The following BTD variants were observed in gnomAD, a reference collection of about 807,000 sequenced individuals.
BTD encodes the protein biocytinase.
A neutral mutation model predicts 17.7 loss-of-function variants in BTD; 13 were observed. That is an observed-to-expected ratio of 0.74 (90% confidence interval 0.48 to 1.17). The LOEUF (loss-of-function observed/expected upper bound fraction) is 1.17, where lower values mean the gene tolerates loss of function less well. Ranked by LOEUF, BTD falls within the 50% of genes most tolerant of loss-of-function variation. The probability of loss-of-function intolerance (pLI) is 0.00; values close to 1 mark genes in which losing one functional copy is unlikely to be tolerated. For missense variants in BTD, 674 were observed against 650.4 expected, an observed-to-expected ratio of 1.04 and a Z score of -0.39; for synonymous variants, 240 against 245.2, an observed-to-expected ratio of 0.98 and a Z score of 0.20.
chr3:15,672,158 T>C (rs1295439384), intron 3 of BTD, among the ~76,000 whole-genome samples: 1 of 151,910 alleles, frequency 6.6e-6, no homozygotes. Context: ...TTTTTTTTTT[T>C]TTTTTGAGAC....
At chr3:15,602,799 A>G (rs1315136050) in intron 1 of BTD, among the ~76,000 whole-genome samples, 1 of 152,076 alleles carries the variant, frequency 6.6e-6, no homozygotes, top group Non-Finnish European at 1.5e-5. Flanking sequence ...CCCCAAGCAG[A>G]GGAGAGTGAA....
intron 3 of BTD, among the ~76,000 whole-genome samples, chr3:15,709,311 G>T (rs1417401759): frequency 6.6e-6 from 1 of 152,152 alleles, no homozygotes; most frequent in Admixed American, 6.5e-5. Flanking sequence ...CTTGGAGAAA[G>T]GAGAACTGTA....
intron 3 of BTD, among the ~76,000 whole-genome samples, chr3:15,706,198 G>A (rs1235284313): frequency 1.3e-5 from 2 of 151,736 alleles, no homozygotes; most frequent in Non-Finnish European, 1.5e-5. Flanking sequence ...CCATTAACTC[G>A]TCACTTACAT....
chr3:15,701,505 A>T (rs1400177792), intron 3 of BTD, among the ~76,000 whole-genome samples: 1 of 152,068 alleles, frequency 6.6e-6, no homozygotes, highest in Admixed American at 6.6e-5. Flanking sequence ...TTAGCCAGGC[A>T]TGGTGGCACA....
intron 4 of BTD, among the ~76,000 whole-genome samples, chr3:15,719,270 G>C (rs1040700517): frequency 1.3e-5 from 2 of 152,126 alleles, no homozygotes; most frequent in Non-Finnish European, 2.9e-5. Context: ...ATCATTAAAG[G>C]CTTCACTGAA....
chr3:15,667,088 A>G (rs1249341980), intron 3 of BTD: 3 of 152,234 alleles, frequency 2.0e-5, no homozygotes, highest in African/African-American at 7.2e-5. Flanking sequence ...AATATATTTG[A>G]AAATCCCATA....
Position 15,652,842 on chromosome 3 carries a change from A to C in BTD, c.*7354A>C, listed in dbSNP as rs1471761467. Among the ~76,000 whole-genome samples, 3 of 152,176 alleles carry C rather than the reference A, an allele frequency of 2.0e-5. No individual in the cohort carries two copies. The East Asian group carries it at 5.8e-4, about 29-fold the overall frequency. On this transcript the variant is annotated 3_prime_UTR_variant, in exon 4 of 4. Transcript: ENST00000643237. ...ATTAGTGGCTATTATTTGTTGGGTT[A>C]CACAAAGCCAGAAATCATCTACATC...
chr3:15,619,112 T>G (rs1355568426), intron 1 of BTD, among the ~76,000 whole-genome samples: 1 of 152,238 alleles, frequency 6.6e-6, no homozygotes, highest in Admixed American at 6.5e-5. Flanking sequence ...AGGGACATCA[T>G]TACCTTGCTC....
At chr3:15,642,212 A>G in intron 3 of BTD, 155 bp downstream of exon 3, 3 of 1,494,050 alleles carry the variant, frequency 2.0e-6, no homozygotes, top group Non-Finnish European at 2.7e-6. Flanking sequence ...CCACATGTTC[A>G]TTCCATTAAA....
In BTD at chr3:15,635,564, TG is replaced by T; in HGVS notation, c.126del (p.Tyr43MetfsTer7). On this transcript the variant is annotated frameshift_variant, in exon 2 of 4. Coordinates refer to ENST00000643237, the MANE Select transcript of BTD (RefSeq NM_001370658.1). LOFTEE classifies it high-confidence loss of function. The surrounding 1 kb of genome is among the most constrained non-coding windows in gnomAD (Gnocchi z 4.1). The part of the protein sequence containing the change: ...HHEAEYYVAA[V>X]YEHPSILSLN... ...GAGGCTGAATATTATGTGGCTGCCGTGTATGAGCATCCATCCATCCTGAGTC... is the reference window on the plus strand; with the variant it reads ...GAGGCTGAATATTATGTGGCTGCCGTTATGAGCATCCATCCATCCTGAGTC... 1 of 1,614,170 alleles carries T rather than the reference TG, an allele frequency of 6.2e-7. No individual in the cohort carries two copies. The highest frequency in any genetic ancestry group is 8.5e-7 in the Non-Finnish European group (1 of 1,180,028).
chr3:15,604,832 T>A (rs551889146), intron 1 of BTD, among the ~76,000 whole-genome samples: 1 of 152,318 alleles, frequency 6.6e-6, no homozygotes, highest in East Asian at 1.9e-4. Flanking sequence ...AATAAGTTCC[T>A]CATCTCCATC....
chr3:15,645,821 A>C lies in BTD; in HGVS notation c.*333A>C. 1 of 225,946 alleles carries C rather than the reference A, an allele frequency of 4.4e-6. No homozygotes were observed. The highest frequency in any genetic ancestry group is 5.2e-5 in the Admixed American group (1 of 19,286). 14.0% of individuals were successfully genotyped at this position (225,946 alleles called of 1,614,324 possible). On this transcript the variant is annotated 3_prime_UTR_variant, in exon 4 of 4. Coordinates refer to ENST00000643237, the MANE Select transcript of BTD (RefSeq NM_001370658.1). ...TCAGTTTATATTTTACACATCCACA[A>C]AGCAGTGGCTTGGGGTTTTTTTTTT...
At chr3:15,601,385 G>A (rs1397662038), upstream of BTD, 1 of 1,614,098 alleles carries the variant, frequency 6.2e-7, no homozygotes, top group Admixed American at 1.7e-5. Flanking sequence ...CATCGTACTT[G>A]CGTTTTCAGG....
chr3:15,633,209 C>G (rs2065257848), intron 1 of BTD, among the ~76,000 whole-genome samples: 1 of 152,046 alleles, frequency 6.6e-6, no homozygotes, highest in Non-Finnish European at 1.5e-5. Context: ...TCCCTCCTCC[C>G]CCTCCCACCC....
chr3:15,665,347 C>T (rs2065966981), intron 3 of BTD, among the ~76,000 whole-genome samples: 1 of 152,116 alleles, frequency 6.6e-6, no homozygotes, highest in Admixed American at 6.6e-5. Context: ...AGTTAACACA[C>T]CAGAGAGGGG....
At chr3:15,714,543 A>AAC, downstream of BTD, 1 of 1,491,322 alleles carries the variant, frequency 6.7e-7, no homozygotes, top group Non-Finnish European at 9.0e-7. Context: ...AAAAAAAAAA[A>AAC]AAAACCCCAA....
downstream of BTD, among the ~76,000 whole-genome samples, chr3:15,714,863 A>C (rs377156259): frequency 4.6e-5 from 7 of 152,308 alleles, no homozygotes; most frequent in East Asian, 9.6e-4. Context: ...ATATACAAAA[A>C]TTCCATGCTT....
At chr3:15,673,455 C>G (rs191795660) in intron 3 of BTD, among the ~76,000 whole-genome samples, 4 of 152,170 alleles carry the variant, frequency 2.6e-5, no homozygotes, top group African/African-American at 9.7e-5. Context: ...ATGCAACTGA[C>G]AAAGATTTCA....
Position 15,635,510 on chromosome 3 carries a change from C to A in BTD, c.71C>A (p.Thr24Asn). 1.2e-6 allele frequency: 2 copies of A among 1,614,150 alleles called. No individual in the cohort carries two copies. The highest frequency in any genetic ancestry group is 1.7e-6 in the Non-Finnish European group (2 of 1,180,020). Reference sequence around the variant, plus strand: ...TACGTGGTTGCCCTGGGAGCCCACACCGGGGAGGAGAGCGTGGCTGACCAT... The same window carrying A: ...TACGTGGTTGCCCTGGGAGCCCACAACGGGGAGGAGAGCGTGGCTGACCAT... The part of the protein sequence containing the change: ...GCYVVALGAH[T>N]GEESVADHHE... The change falls in exon 2 of 4, where the codon ACC (threonine) becomes AAC (asparagine). Residue 24 changes from threonine to asparagine, a missense_variant. By Grantham distance (65) the Thr-to-Asn change is moderately conservative. Coordinates refer to ENST00000643237, the MANE Select transcript of BTD (RefSeq NM_001370658.1). This position sits in a 1 kb window ranked among gnomAD's most constrained non-coding sequence, Gnocchi z 4.1.
Sources: allele counts gnomAD v4.1 joint callset (sites outside exome capture counted in the v4.1 genomes callset), GRCh38; gene constraint gnomAD v4.1.1; non-coding constraint Gnocchi (gnomAD v3.1); transcripts MANE v1.5; gene names NCBI Gene and HGNC (gene_info 2026-07-23, HGNC 2026-07-21).